The following NCOA2 variants were observed in gnomAD, a reference collection of about 807,000 sequenced individuals.
The protein encoded by NCOA2 is nuclear receptor coactivator 2, also known as class E basic helix-loop-helix protein 75.
Under a neutral mutation model 145.1 loss-of-function variants are expected in NCOA2, and 21 were observed. The observed-to-expected ratio is 0.14, with a 90% CI of 0.10 to 0.21. The LOEUF is 0.21. Among genes scored for constraint, NCOA2 ranks in the 10% least tolerant of loss-of-function variants. The pLI is 1.00. For synonymous variants in NCOA2, 619 were observed against 637.5 expected, an observed-to-expected ratio of 0.97 and a Z score of 0.44; for missense variants, 1,472 against 1,837.6, an observed-to-expected ratio of 0.80 and a Z score of 3.64.
chr8:70,239,839 C>T (rs1304293874), intron 2 of NCOA2, among the ~76,000 whole-genome samples: 1 of 152,108 alleles, frequency 6.6e-6, no homozygotes, highest in East Asian at 1.9e-4. Flanking sequence ...AATGAATGAG[C>T]CAAAGTTACA....
chr8:70,445,458 A>G, the NCOA2 span, among the ~76,000 whole-genome samples: 1 of 152,214 alleles, frequency 6.6e-6, no homozygotes, highest in Non-Finnish European at 1.5e-5. Flanking sequence ...TATTGAGCCG[A>G]GCCTGTAACG....
chr8:70,266,675 C>T (rs867759708), intron 2 of NCOA2, among the ~76,000 whole-genome samples: 6 of 152,110 alleles, frequency 3.9e-5, no homozygotes, highest in Non-Finnish European at 7.4e-5. Flanking sequence ...TAAGACCTTG[C>T]CACACAAGTC....
chr8:70,125,286 C>G (rs1808286959), intron 19 of NCOA2, among the ~76,000 whole-genome samples: 1 of 152,074 alleles, frequency 6.6e-6, no homozygotes, highest in South Asian at 2.1e-4. Context: ...GACATAGGGT[C>G]TTGCTTGCTC....
rs186679497 is a variant in NCOA2, at chr8:70,227,934, T to C, written c.-19-11170A>G. 1.8e-3 allele frequency among the ~76,000 whole-genome samples: 268 copies of C among 147,372 alleles called. 1 individual carries two copies. The highest frequency in any genetic ancestry group is 8.8e-3 in the East Asian group (45 of 5,088). ...GGGAGGCTGAGGCAGGAGAATCACT[T>C]GAACCTGGGAGGTGGAGGTCGCAGT... On this transcript the variant is annotated intron_variant, in intron 2 of 22. Coordinates refer to ENST00000452400, the MANE Select transcript of NCOA2 (RefSeq NM_006540.4).
intron 9 of NCOA2, among the ~76,000 whole-genome samples, chr8:70,161,276 A>C (rs1177551952): frequency 6.6e-6 from 1 of 152,244 alleles, no homozygotes; most frequent in Non-Finnish European, 1.5e-5. Flanking sequence ...TCAAAGAATT[A>C]AACTCAGGAC....
chr8:70,385,218 C>G (rs987120964), intron 1 of NCOA2, among the ~76,000 whole-genome samples: 1 of 152,164 alleles, frequency 6.6e-6, no homozygotes, highest in Non-Finnish European at 1.5e-5. Flanking sequence ...TACCAAATAA[C>G]TAACCAAGAT....
At chr8:70,218,199 G>GTTTTTTTTTTTTTTTTTTTT (rs34322124) in intron 2 of NCOA2, among the ~76,000 whole-genome samples, 1 of 133,880 alleles carries the variant, frequency 7.5e-6, no homozygotes. Context: ...AGTGGAGTTA[G>GTTTTTTTTTTTTTTTTTTTT]TTTTTTTTTT....
chr8:70,289,113 A>C (rs1431876165), intron 2 of NCOA2, among the ~76,000 whole-genome samples: 1 of 152,242 alleles, frequency 6.6e-6, no homozygotes, highest in Non-Finnish European at 1.5e-5. Flanking sequence ...GTTTCAAAAT[A>C]CATGAGTTCA....
intron 1 of NCOA2, among the ~76,000 whole-genome samples, chr8:70,391,319 T>G (rs1048594648): frequency 6.6e-6 from 1 of 152,098 alleles, no homozygotes; most frequent in African/African-American, 2.4e-5. Flanking sequence ...TCAATTTCTA[T>G]CCCCCTCCTT....
At chr8:70,242,493 CT>C (rs1349206805) in intron 2 of NCOA2, among the ~76,000 whole-genome samples, 1 of 152,038 alleles carries the variant, frequency 6.6e-6, no homozygotes, top group Non-Finnish European at 1.5e-5. Flanking sequence ...AAAGTCTTAC[CT>C]TTTTAATGAC....
At chr8:70,267,008 T>C (rs1824654988) in intron 2 of NCOA2, among the ~76,000 whole-genome samples, 1 of 152,204 alleles carries the variant, frequency 6.6e-6, no homozygotes, top group African/African-American at 2.4e-5. Context: ...ATCTTCTAAT[T>C]TTTTGACCCA....
At chr8:70,270,472 C>T (rs762776214) in intron 2 of NCOA2, among the ~76,000 whole-genome samples, 8 of 151,538 alleles carry the variant, frequency 5.3e-5, no homozygotes, top group Non-Finnish European at 8.8e-5. Context: ...CTGACGGCCA[C>T]GGGACAGGCG....
At position 70,138,215 on chromosome 8, in the gene NCOA2, G is replaced by A. The variant is rs867512361; in HGVS notation, c.3146C>T (p.Ala1049Val). ...SILPIDQASF[A>V]SQNRQPFGSS... is the part of the protein sequence containing the mutation. ...GCTCAGGACTCACCTGTTTTGGCTG[G>A]CAAAAGACGCCTGGTCTATAGGCAG... The change falls in exon 15 of 23, where the codon GCC (alanine) becomes GTC (valine). Residue 1049 changes from alanine to valine, a missense_variant. Ala to Val is a moderately conservative substitution (Grantham distance 64, BLOSUM62 0). Coordinates refer to ENST00000452400, the MANE Select transcript of NCOA2 (RefSeq NM_006540.4). 1.9e-6 allele frequency: 3 copies of A among 1,612,792 alleles called. No individual in the cohort carries two copies. The highest frequency in any genetic ancestry group is 2.2e-5 in the South Asian group (2 of 90,844).
chr8:70,342,363 T>G (rs1010014922), intron 1 of NCOA2, among the ~76,000 whole-genome samples: 2 of 152,162 alleles, frequency 1.3e-5, no homozygotes, highest in African/African-American at 4.8e-5. Flanking sequence ...GTGGCTTTCA[T>G]AAGTCAACTT....
In NCOA2 at chr8:70,285,781, A is replaced by AATGCTACC. The variant is rs1283634628; in HGVS notation, c.-20+10955_-20+10962dup. ...GAAATGAGTACAGACTAAATTGAAAAATGCTACCGGTTGGATGGGGAATGA... is the reference window on the plus strand; with the variant it reads ...GAAATGAGTACAGACTAAATTGAAAAATGCTACCATGCTACCGGTTGGATGGGGAATGA... On this transcript the variant is annotated intron_variant, in intron 2 of 22. Coordinates refer to ENST00000452400, the MANE Select transcript of NCOA2 (RefSeq NM_006540.4). Among the ~76,000 whole-genome samples, 3 of 152,336 alleles carry AATGCTACC rather than the reference A, an allele frequency of 2.0e-5. No homozygotes were observed. The East Asian group carries it at 5.8e-4, about 29-fold the overall frequency.
At chr8:70,257,934 T>C (rs1004622045) in intron 2 of NCOA2, among the ~76,000 whole-genome samples, 2 of 152,158 alleles carry the variant, frequency 1.3e-5, no homozygotes, top group Admixed American at 6.5e-5. Context: ...TTTTCTTTTT[T>C]TGAGACTCTG....
In NCOA2 at chr8:70,257,622, C is replaced by G. The variant is rs193027119; in HGVS notation, c.-20+39122G>C. Among the ~76,000 whole-genome samples, 358 of 152,272 alleles carry G rather than the reference C, an allele frequency of 2.4e-3. No individual in the cohort carries two copies. The Middle Eastern group carries it at 0.024, about 10-fold the overall frequency. On this transcript the variant is annotated intron_variant, in intron 2 of 22. Transcript: ENST00000452400. ...GCTTTGCTAAACTAAGGCAGCACGC[C>G]TCACATCGCTACTGCCAAAACCACC...
chr8:70,421,430 C>A, the NCOA2 span, among the ~76,000 whole-genome samples: 4 of 151,906 alleles, frequency 2.6e-5, no homozygotes, highest in African/African-American at 9.7e-5. Flanking sequence ...TGGTAGCATG[C>A]GCCTCTAGTC....
intron 2 of NCOA2, among the ~76,000 whole-genome samples, chr8:70,238,000 T>C (rs1395410995): frequency 6.6e-6 from 1 of 152,098 alleles, no homozygotes; most frequent in Non-Finnish European, 1.5e-5. Flanking sequence ...AATGACTTGA[T>C]ACTAAAAATA....
Sources: allele counts gnomAD v4.1 joint callset (sites outside exome capture counted in the v4.1 genomes callset), GRCh38; gene constraint gnomAD v4.1.1; transcripts MANE v1.5; gene names NCBI Gene and HGNC (gene_info 2026-07-23, HGNC 2026-07-21).